Variants in KCNT1 observed in about 807,000 individuals in gnomAD.
The protein encoded by KCNT1 is potassium channel subfamily T member 1.
A neutral mutation model predicts 147.8 loss-of-function variants in KCNT1; 78 were observed. That is an observed-to-expected ratio of 0.53 (90% confidence interval 0.44 to 0.64). KCNT1 has a LOEUF of 0.64. KCNT1 is among the 30% of genes least tolerant of loss of function. KCNT1 has a pLI of 0.00. For synonymous variants in KCNT1, 867 were observed against 748.8 expected (o/e 1.16, Z -2.58); for missense variants, 1,419 against 1,750.3 (o/e 0.81, Z 3.38).
intron 1 of KCNT1, among the ~76,000 whole-genome samples, chr9:135,703,639 G>GA (rs1405672983): frequency 1.3e-5 from 2 of 152,204 alleles, no homozygotes; most frequent in Non-Finnish European, 2.9e-5. Flanking sequence ...ATGACCCCAA[G>GA]GGGGTCCTGG....
In KCNT1 at chr9:135,750,928, T is replaced by C. The variant is rs368368193; in HGVS notation, c.335-14T>C. 10 of 1,611,660 alleles carry C rather than the reference T, an allele frequency of 6.2e-6. No individual in the cohort carries two copies. In the African/African-American group the frequency reaches 1.2e-4, roughly 19 times the overall value. On this transcript the variant is annotated splice_polypyrimidine_tract_variant and intron_variant, in intron 3 of 30. Coordinates refer to ENST00000371757, the MANE Select transcript of KCNT1 (RefSeq NM_020822.3). Reference sequence around the variant, plus strand: ...AGCTGGGTCAGAGCCCTGAGGCCGCTGCCCTCCCCGCAGGCCTGAGGATCC... The same window carrying C: ...AGCTGGGTCAGAGCCCTGAGGCCGCCGCCCTCCCCGCAGGCCTGAGGATCC...
At chr9:135,756,999 C>A in intron 7 of KCNT1, 67 bp downstream of exon 7, 1 of 1,105,644 alleles carries the variant, frequency 9.0e-7, no homozygotes, top group Non-Finnish European at 1.3e-6. Flanking sequence ...CCAGCCTCCC[C>A]CACCTCCCCC....
chr9:135,708,281 C>T (rs574443566), intron 1 of KCNT1, among the ~76,000 whole-genome samples: 4 of 152,366 alleles, frequency 2.6e-5, no homozygotes, highest in South Asian at 2.1e-4. Flanking sequence ...TGTATGCATA[C>T]ATGCACATTG....
intron 2 of KCNT1, among the ~76,000 whole-genome samples, chr9:135,749,509 C>T (rs1213637891): frequency 6.6e-6 from 1 of 152,110 alleles, no homozygotes; most frequent in African/African-American, 2.4e-5. Flanking sequence ...GCTGGAGGGG[C>T]CCCACAGCTG....
chr9:135,777,530 G>GGCCCCCCCCCC lies in KCNT1; in HGVS notation c.2522+20_2522+21insGCCCCCCCCCC. 4 of 1,588,404 alleles carry GGCCCCCCCCCC rather than the reference G, an allele frequency of 2.5e-6. No individual in the cohort carries two copies. Among genetic ancestry groups the GGCCCCCCCCCC allele is most frequent in the Non-Finnish European group, 2.6e-6 (3 of 1,167,000 alleles). On this transcript the variant is annotated intron_variant, in intron 21 of 30. Coordinates refer to ENST00000371757, the MANE Select transcript of KCNT1 (RefSeq NM_020822.3). Reference sequence around the variant, plus strand: ...CAACAAGTGAGGCTCCTGGGGCTCAGCCCACCCCGCCCACCCGGGCCCTCA... The same window carrying GGCCCCCCCCCC: ...CAACAAGTGAGGCTCCTGGGGCTCAGGCCCCCCCCCCCCCACCCCGCCCACCCGGGCCCTCA...
At chr9:135,736,842 C>CGGGCTGCGCTGGCT (rs2131373383) in intron 2 of KCNT1, 1 of 330,134 alleles carries the variant, frequency 3.0e-6, no homozygotes, top group East Asian at 4.3e-5. Context: ...GCATCCTGCT[C>CGGGCTGCGCTGGCT]GGGCTGCGCT....
chr9:135,702,193 G>A lies in KCNT1; in HGVS notation c.-66G>A, dbSNP rs1835059354. 5 of 1,204,550 alleles carry A rather than the reference G, an allele frequency of 4.2e-6. No individual in the cohort carries two copies. Among genetic ancestry groups the A allele is most frequent in the South Asian group, 2.5e-5 (2 of 79,858 alleles). 74.6% of individuals were successfully genotyped at this position (1,204,550 alleles called of 1,614,324 possible). A position where few individuals can be genotyped will look rare whatever the true frequency, so the allele number is the denominator to read the frequency against. On this transcript the variant is annotated 5_prime_UTR_variant, in exon 1 of 31. Coordinates refer to ENST00000371757, the MANE Select transcript of KCNT1 (RefSeq NM_020822.3). ...AAAAAAAAATGTTTTTCAGGGCAAC[G>A]CGAGGGAAGAAGGTGGCGGCTCCCA...
Position 135,728,177 on chromosome 9 carries a change from C to G in KCNT1, c.254+13457C>G, listed in dbSNP as rs368414873. On this transcript the variant is annotated intron_variant, in intron 2 of 30. Transcript: ENST00000371757. ...CAGAAGTTGGAAGAGGCAGGAAGGA[C>G]CCTCCCTAGGGCCTCCAAGGAAGCG... Among the ~76,000 whole-genome samples, 3 of 152,272 alleles carry G rather than the reference C, an allele frequency of 2.0e-5. No homozygotes were observed. The South Asian group carries it at 6.2e-4, about 32-fold the overall frequency.
intron 2 of KCNT1, among the ~76,000 whole-genome samples, chr9:135,733,675 T>G (rs1193959719): frequency 7.0e-6 from 1 of 142,352 alleles, no homozygotes; most frequent in Non-Finnish European, 1.5e-5. Context: ...TTGGCCAGTT[T>G]CAGGCTGTAC....
At chr9:135,750,661 C>A in intron 3 of KCNT1, 1 of 548,920 alleles carries the variant, frequency 1.8e-6, no homozygotes, top group South Asian at 2.2e-5. Context: ...GCTCCCCAAT[C>A]CCTATCCTGT....
Position 135,749,525 on chromosome 9 carries a change from C to T in KCNT1, c.255-573C>T, listed in dbSNP as rs552260085. On this transcript the variant is annotated intron_variant, in intron 2 of 30. Coordinates refer to ENST00000371757, the MANE Select transcript of KCNT1 (RefSeq NM_020822.3). Reference sequence around the variant, plus strand: ...CTGGAGGGGCCCCACAGCTGGCCTGCGAGGTGGGTGCAGGGATGACCACTT... The same window carrying T: ...CTGGAGGGGCCCCACAGCTGGCCTGTGAGGTGGGTGCAGGGATGACCACTT... Among the ~76,000 whole-genome samples the T allele has an allele frequency of 1.1e-3, 167 of 152,250 alleles. 2 individuals are homozygous for T. Among genetic ancestry groups the T allele is most frequent in the Non-Finnish European group, 2.1e-3 (141 of 68,016 alleles).
At chr9:135,713,202 C>T (rs983737259) in intron 1 of KCNT1, among the ~76,000 whole-genome samples, 2 of 152,254 alleles carry the variant, frequency 1.3e-5, no homozygotes, top group Non-Finnish European at 2.9e-5. Flanking sequence ...AAATAGAGCC[C>T]CGACCCCTGG....
intron 9 of KCNT1, 96 bp from the exon 10 acceptor site, chr9:135,758,318 G>GTGCAGGCT (rs1554771401): frequency 2.7e-5 from 25 of 928,368 alleles, no homozygotes; most frequent in East Asian, 1.2e-4. Flanking sequence ...GGTGTGGCCG[G>GTGCAGGCT]GCCGTCTGCT....
intron 2 of KCNT1, chr9:135,736,445 A>G (rs1234131968): frequency 6.6e-6 from 1 of 151,764 alleles, no homozygotes; most frequent in Non-Finnish European, 1.5e-5. Context: ...AACCTTCTCC[A>G]TGGGGCGTCC....
Position 135,786,455 on chromosome 9 carries a change from C to T in KCNT1, c.3436C>T (p.Arg1146Cys), listed in dbSNP as rs1471022566. The T allele has an allele frequency of 3.1e-6, 5 of 1,600,364 alleles. No individual in the cohort carries two copies. Among genetic ancestry groups the T allele is most frequent in the South Asian group, 1.1e-5 (1 of 89,570 alleles). ...QRLSLYRRSE[R>C]QELSELVKNR... ...CCTCAGCCTGTACCGGCGCTCTGAG[C>T]GCCAGGAGCTCTCCGAGCTGGTGAA... The change falls in exon 29 of 31, where the codon CGC becomes TGC. Residue 1146 changes from arginine to cysteine, a missense_variant. Physicochemically the swap from Arg to Cys is radical, Grantham distance 180. Coordinates refer to ENST00000371757, the MANE Select transcript of KCNT1 (RefSeq NM_020822.3).
Position 135,759,795 on chromosome 9 carries a change from T to G in KCNT1, c.971T>G (p.Ile324Ser). ...GGCTACGGTGACGTCACGCCCAAGATCTGGCCATCGCAGCTGCTGGTGGTC... is the reference window on the plus strand; with the variant it reads ...GGCTACGGTGACGTCACGCCCAAGAGCTGGCCATCGCAGCTGCTGGTGGTC... ...TVGYGDVTPK[I>S]WPSQLLVVIM... The change falls in exon 11 of 31, where the codon ATC (isoleucine) becomes AGC (serine). Residue 324 changes from isoleucine (I) to serine (S), a missense_variant. By Grantham distance (142) the Ile-to-Ser change is moderately radical (BLOSUM62 -2). Coordinates refer to ENST00000371757, the MANE Select transcript of KCNT1 (RefSeq NM_020822.3). The G allele has an allele frequency of 6.2e-7, 1 of 1,613,498 alleles. No homozygotes were observed. Among genetic ancestry groups the G allele is most frequent in the Non-Finnish European group, 8.5e-7 (1 of 1,179,842 alleles).
chr9:135,710,348 C>G (rs1835435565), intron 1 of KCNT1, among the ~76,000 whole-genome samples: 1 of 152,188 alleles, frequency 6.6e-6, no homozygotes, highest in Non-Finnish European at 1.5e-5. Flanking sequence ...GGTTCAAGCA[C>G]CGGCCCTCCC....
At chr9:135,745,123 G>A (rs76764050) in intron 2 of KCNT1, among the ~76,000 whole-genome samples, 1,891 of 152,336 alleles carry the variant, frequency 0.012, 19 homozygotes, top group Non-Finnish European at 0.017. Flanking sequence ...CGCCATGAGC[G>A]CTCACTTGCT....
Position 135,768,921 on chromosome 9 carries a change from T to G in KCNT1, c.1494T>G (p.Phe498Leu). ...YVQILKPENK[F>L]HVKFADHVVC... ...AGATCCTCAAACCTGAAAACAAGTT[T>G]CACGTCAAGTTTGCTGGTGCGTCTG... Residue 498 changes from phenylalanine to leucine, a missense_variant, in exon 15 of 31, where the codon TTT becomes TTG. By Grantham distance (22) the Phe-to-Leu change is conservative. This residue lies in a region of KCNT1 where 401 missense variants were observed against 610.6 expected (regional missense o/e 0.66). Coordinates refer to ENST00000371757, the MANE Select transcript of KCNT1 (RefSeq NM_020822.3). 2.5e-6 allele frequency: 4 copies of G among 1,613,178 alleles called. No individual in the cohort carries two copies. Among genetic ancestry groups the G allele is most frequent in the Non-Finnish European group, 3.4e-6 (4 of 1,179,772 alleles).
Sources: allele counts gnomAD v4.1 joint callset (sites outside exome capture counted in the v4.1 genomes callset), GRCh38; gene constraint gnomAD v4.1.1; regional missense constraint gnomAD v4.1.1; transcripts MANE v1.5; gene names NCBI Gene and HGNC (gene_info 2026-07-23, HGNC 2026-07-21).